CT45A1: variants seen among roughly 807,000 people sequenced by gnomAD.
CT45A1 encodes the protein cancer/testis antigen 45-1.
upstream of CT45A1, among the ~76,000 whole-genome samples, chrX:135,711,180 T>C (rs2087931581): frequency 1.8e-5 from 2 of 111,710 alleles, no homozygotes; most frequent in African/African-American, 3.3e-5. Flanking sequence ...ACTGCTGTGG[T>C]GGGATTTTTT....
chrX:135,719,408 C>T (rs2088020751), intron 2 of CT45A1, among the ~76,000 whole-genome samples: 1 of 97,282 alleles, frequency 1.0e-5, no homozygotes, highest in African/African-American at 3.7e-5. Flanking sequence ...CTGAAATCTC[C>T]GTCTCCTGGG....
At chrX:135,718,397 T>A (rs2088008598) in intron 1 of CT45A1, among the ~76,000 whole-genome samples, 1 of 111,028 alleles carries the variant, frequency 9.0e-6, no homozygotes, top group Non-Finnish European at 1.9e-5. Flanking sequence ...AAATTCCTTG[T>A]CAGATGTTGT....
At chrX:135,711,996 A>G (rs1556569694), upstream of CT45A1, among the ~76,000 whole-genome samples, 1 of 109,147 alleles carries the variant, frequency 9.2e-6, no homozygotes, top group African/African-American at 3.3e-5. Context: ...CAGGAGAATC[A>G]CTTGAACCTG....
At chrX:135,710,537 T>C (rs1159658133), upstream of CT45A1, among the ~76,000 whole-genome samples, 3 of 111,833 alleles carry the variant, frequency 2.7e-5, no homozygotes, top group African/African-American at 6.5e-5. Context: ...TGGTGCTAAA[T>C]TGGGGGCTTA....
chrX:135,709,818 G>A (rs1175875478), upstream of CT45A1, among the ~76,000 whole-genome samples: 1 of 111,280 alleles, frequency 9.0e-6, no homozygotes, highest in East Asian at 2.8e-4. Context: ...CCAAACCCCA[G>A]CATTATGCAA....
intron 1 of CT45A1, among the ~76,000 whole-genome samples, chrX:135,714,870 T>C (rs1233438785): frequency 9.3e-6 from 1 of 107,441 alleles, no homozygotes; most frequent in East Asian, 2.9e-4. Flanking sequence ...TTTATGTGTT[T>C]ATTGGTCATT....
upstream of CT45A1, among the ~76,000 whole-genome samples, chrX:135,712,891 C>A (rs1325397880): frequency 1.8e-5 from 2 of 108,133 alleles, no homozygotes; most frequent in Non-Finnish European, 3.8e-5. Flanking sequence ...GTTGTCGTTT[C>A]TTTCTTTCTT....
intron 1 of CT45A1, among the ~76,000 whole-genome samples, chrX:135,715,234 T>TTATATATATATAATACTTA (rs1190023304): frequency 1.4e-5 from 1 of 70,290 alleles, no homozygotes; most frequent in Admixed American, 2.0e-4. Flanking sequence ...TATATAATAC[T>TTATATATATATAATACTTA]TATATATATA....
chrX:135,712,179 C>CT (rs782572662), upstream of CT45A1, among the ~76,000 whole-genome samples: 10,557 of 48,077 alleles, frequency 0.22, 1,980 homozygotes, highest in African/African-American at 0.41. Flanking sequence ...TTTTTTCTTT[C>CT]TTTTTTTTTT....
intron 2 of CT45A1, among the ~76,000 whole-genome samples, chrX:135,719,546 TC>T (rs1174748854): frequency 1.1e-5 from 1 of 90,197 alleles, no homozygotes; most frequent in African/African-American, 4.0e-5. Context: ...GGTCTGGAAC[TC>T]CCCCCCTCAG....
At chrX:135,709,091 T>C (rs782039860), upstream of CT45A1, among the ~76,000 whole-genome samples, 65 of 112,132 alleles carry the variant, frequency 5.8e-4, no homozygotes, top group Non-Finnish European at 7.1e-4. Context: ...TAATATTATA[T>C]ATCAGGTTGC....
At chrX:135,712,090 A>T (rs1462553465), upstream of CT45A1, among the ~76,000 whole-genome samples, 3 of 109,886 alleles carry the variant, frequency 2.7e-5, no homozygotes, top group South Asian at 3.9e-4. Context: ...CAAAAAAAAT[A>T]AAAAAGGTGG....
upstream of CT45A1, among the ~76,000 whole-genome samples, chrX:135,709,591 A>G (rs372960131): frequency 5.3e-5 from 6 of 112,235 alleles, no homozygotes; most frequent in South Asian, 7.3e-4. Flanking sequence ...TAAGTGAAAC[A>G]CAGAAACAAA....
At chrX:135,716,116 T>C (rs1556571509) in intron 1 of CT45A1, among the ~76,000 whole-genome samples, 1 of 111,543 alleles carries the variant, frequency 9.0e-6, no homozygotes, top group South Asian at 3.8e-4. Context: ...GTCTTTGCTG[T>C]TATGAATAGT....
chrX:135,713,542 C>G (rs782023977), upstream of CT45A1: 115 of 735,595 alleles, frequency 1.6e-4, no homozygotes, highest in African/African-American at 2.4e-3. Flanking sequence ...TCTGGTGAGA[C>G]GCCTCCCCAT....
chrX:135,715,449 ATATATATAATACTTATATATAATACT>A (rs1276673091), intron 1 of CT45A1, among the ~76,000 whole-genome samples: 1 of 81,212 alleles, frequency 1.2e-5, no homozygotes. Context: ...TATAATACTT[ATATATATAATACTTATATATAATACT>A]TATATATAAT....
chrX:135,709,538 G>A (rs1603077913), upstream of CT45A1, among the ~76,000 whole-genome samples: 1 of 112,643 alleles, frequency 8.9e-6, no homozygotes, highest in Non-Finnish European at 1.9e-5. Flanking sequence ...CAAATCCTGG[G>A]ATTACAGGCG....
chrX:135,715,530 A>T (rs1445004033), intron 1 of CT45A1, among the ~76,000 whole-genome samples: 1 of 85,891 alleles, frequency 1.2e-5, no homozygotes, highest in South Asian at 5.4e-4. Flanking sequence ...TTATAGGTAT[A>T]TAATACTTAT....
upstream of CT45A1, among the ~76,000 whole-genome samples, chrX:135,710,538 T>C (rs782784377): frequency 1.3e-3 from 150 of 111,763 alleles, no homozygotes; most frequent in African/African-American, 4.7e-3. Flanking sequence ...GGTGCTAAAT[T>C]GGGGGCTTAG....
Sources: gnomAD v4.1 joint callset for allele counts (sites outside exome capture counted in the v4.1 genomes callset) on GRCh38, gnomAD v4.1.1 for gene constraint, MANE v1.5 for transcripts, NCBI Gene and HGNC (gene_info 2026-07-23, HGNC 2026-07-21) for gene names.